The following GMPR variants were observed in gnomAD, a reference collection of about 807,000 sequenced individuals.
The protein encoded by GMPR is GMP reductase 1.
GMPR carries 31 observed loss-of-function variants against 38.4 expected under a neutral mutation model. That is an observed-to-expected ratio of 0.81 (90% confidence interval 0.61 to 1.09). The LOEUF (loss-of-function observed/expected upper bound fraction) is 1.09, where lower values mean the gene tolerates loss of function less well. Ranked by LOEUF, GMPR falls within the 50% of genes least tolerant of loss-of-function variation. The pLI, the probability that GMPR is intolerant of heterozygous loss-of-function variation, is 0.00. For synonymous variants in GMPR, 162 were observed against 173.3 expected (o/e 0.93, Z 0.51); for missense variants, 468 against 453.7 (o/e 1.03, Z -0.29).
At chr6:16,260,411 T>A (rs1311044018) in intron 4 of GMPR, among the ~76,000 whole-genome samples, 1 of 151,998 alleles carries the variant, frequency 6.6e-6, no homozygotes, top group Admixed American at 6.6e-5. Context: ...TCTCAGACCC[T>A]GTAGGAAAGG....
intron 4 of GMPR, among the ~76,000 whole-genome samples, chr6:16,265,612 C>CAAGCAGCGCTGTGTCTAGCTA (rs1342926385): frequency 6.9e-6 from 1 of 145,370 alleles, no homozygotes; most frequent in African/African-American, 2.4e-5. Context: ...AAAATAGCAC[C>CAAGCAGCGCTGTGTCTAGCTA]AAGCAGCGCT....
chr6:16,247,969 C>T (rs1203610282), intron 2 of GMPR, among the ~76,000 whole-genome samples: 2 of 152,034 alleles, frequency 1.3e-5, no homozygotes, highest in Non-Finnish European at 2.9e-5. Context: ...GTGGCTCACA[C>T]CTGTAATCCC....
chr6:16,273,172 T>G (rs1388956139), intron 4 of GMPR, among the ~76,000 whole-genome samples: 1 of 152,200 alleles, frequency 6.6e-6, no homozygotes, highest in African/African-American at 2.4e-5. Flanking sequence ...CTCATCACCT[T>G]TTCCCCACAT....
rs937618128 is a variant in GMPR, at chr6:16,283,361, G to A, written c.655-2432G>A. On this transcript the variant is annotated intron_variant, in intron 6 of 8. Transcript: ENST00000259727. ...AAGATGCATGTATGTCTTGATTGCTGGAGCTACACTGCTTCCCGAGAACAT... is the reference window on the plus strand; with the variant it reads ...AAGATGCATGTATGTCTTGATTGCTAGAGCTACACTGCTTCCCGAGAACAT... Among the ~76,000 whole-genome samples the A allele has an allele frequency of 3.9e-5, 6 of 152,066 alleles. No individual in the cohort carries two copies. The East Asian group carries it at 1.2e-3, about 29-fold the overall frequency.
At chr6:16,245,312 G>A (rs139929614) in intron 1 of GMPR, among the ~76,000 whole-genome samples, 2 of 152,144 alleles carry the variant, frequency 1.3e-5, no homozygotes, top group South Asian at 4.1e-4. Context: ...ATTCACCCAG[G>A]ACGCCTTCTG....
chr6:16,271,535 CTA>C (rs1759385650), intron 4 of GMPR, among the ~76,000 whole-genome samples: 1 of 152,146 alleles, frequency 6.6e-6, no homozygotes, highest in African/African-American at 2.4e-5. Context: ...AGTAGCTTCT[CTA>C]AAGTTTTTGT....
At chr6:16,250,444 A>G in intron 3 of GMPR, 77 bp downstream of exon 3, 1 of 836,902 alleles carries the variant, frequency 1.2e-6, no homozygotes. Context: ...AGAGGATTTC[A>G]GTCAGTAGCA....
At chr6:16,290,336 C>T in intron 7 of GMPR, 126 bp from the exon 8 acceptor site, 1 of 831,414 alleles carries the variant, frequency 1.2e-6, no homozygotes, top group South Asian at 1.6e-5. Flanking sequence ...AGAGGTCCAG[C>T]CTTTCTCTTG....
At chr6:16,273,666 G>A (rs369435382) in intron 4 of GMPR, among the ~76,000 whole-genome samples, 2 of 152,064 alleles carry the variant, frequency 1.3e-5, no homozygotes, top group Non-Finnish European at 2.9e-5. Context: ...TCTTAACTGC[G>A]TTTTCTAATT....
At chr6:16,278,338 A>C (rs1759514705) in intron 5 of GMPR, among the ~76,000 whole-genome samples, 2 of 152,108 alleles carry the variant, frequency 1.3e-5, no homozygotes, top group Admixed American at 1.3e-4. Flanking sequence ...GGCTTAAGAG[A>C]GGTGAGTCAT....
intron 8 of GMPR, among the ~76,000 whole-genome samples, chr6:16,290,853 A>T: frequency 6.6e-6 from 1 of 152,208 alleles, no homozygotes; most frequent in Non-Finnish European, 1.5e-5. Flanking sequence ...GACCAGGGTT[A>T]TATGTGAGTG....
At chr6:16,284,127 G>A (rs1655762800) in intron 6 of GMPR, among the ~76,000 whole-genome samples, 1 of 152,192 alleles carries the variant, frequency 6.6e-6, no homozygotes, top group Admixed American at 6.5e-5. Context: ...GAGAAGCCAT[G>A]TATGAATAAC....
rs112904176 is a variant in GMPR, at chr6:16,249,717, G to A, written c.208-567G>A. Among the ~76,000 whole-genome samples the A allele has an allele frequency of 1.2e-3, 182 of 152,330 alleles. 1 individual carries two copies. The highest frequency in any genetic ancestry group is 3.8e-3 in the African/African-American group (160 of 41,562). ...TAAATGAAACGACTGACACAAAGCG[G>A]GTCATAAATGCTGGGGCAGTAGTCA... On this transcript the variant is annotated intron_variant, in intron 2 of 8. Coordinates refer to ENST00000259727, the MANE Select transcript of GMPR (RefSeq NM_006877.4).
chr6:16,288,368 G>A (rs920436515), intron 7 of GMPR, among the ~76,000 whole-genome samples: 5 of 152,216 alleles, frequency 3.3e-5, no homozygotes, highest in East Asian at 1.9e-4. Context: ...TGGCCCTGCC[G>A]GCCTCAGGCA....
intron 1 of GMPR, among the ~76,000 whole-genome samples, chr6:16,242,094 T>A (rs1360549622): frequency 6.6e-6 from 1 of 152,156 alleles, no homozygotes; most frequent in East Asian, 1.9e-4. Flanking sequence ...ATTAATAAAT[T>A]ATCAGGCATT....
intron 4 of GMPR, among the ~76,000 whole-genome samples, chr6:16,269,740 T>G (rs1227162230): frequency 1.3e-5 from 2 of 152,200 alleles, no homozygotes; most frequent in Admixed American, 6.5e-5. Flanking sequence ...GAGGTTACAA[T>G]GAGCTGTGAT....
intron 5 of GMPR, among the ~76,000 whole-genome samples, chr6:16,278,083 C>T (rs950176679): frequency 6.6e-6 from 1 of 152,040 alleles, no homozygotes; most frequent in Non-Finnish European, 1.5e-5. Flanking sequence ...CTGGTGTGAG[C>T]CCTGGCCTGG....
intron 7 of GMPR, among the ~76,000 whole-genome samples, 194 bp downstream of exon 7, chr6:16,286,029 A>G (rs370340631): frequency 1.3e-5 from 2 of 152,224 alleles, no homozygotes; most frequent in African/African-American, 4.8e-5. Flanking sequence ...CAGATGCCCC[A>G]GGAGATATCT....
chr6:16,254,581 G>C lies in GMPR; in HGVS notation c.311G>C (p.Gly104Ala). 6.2e-7 allele frequency: 1 copy of C among 1,614,080 alleles called. No individual in the cohort carries two copies. Among genetic ancestry groups the C allele is most frequent in the Non-Finnish European group, 8.5e-7 (1 of 1,179,906 alleles). Residue 104 changes from glycine to alanine, a missense_variant, in exon 4 of 9, where the codon GGC (glycine) becomes GCC (alanine). Physicochemically the swap from Gly to Ala is moderately conservative, Grantham distance 60. Transcript: ENST00000259727. ...GTGCAGAATGTAGCCGTGAGTTCAG[G>C]CAGTGGGCAGAATGATCTGGAAAAG... ...ECLQNVAVSS[G>A]SGQNDLEKMT...
Sources: gnomAD v4.1 joint callset for allele counts (sites outside exome capture counted in the v4.1 genomes callset) on GRCh38, gnomAD v4.1.1 for gene constraint, MANE v1.5 for transcripts, NCBI Gene and HGNC (gene_info 2026-07-23, HGNC 2026-07-21) for gene names.